ROR1: variants seen among roughly 807,000 people sequenced by gnomAD.
ROR1 encodes the protein ROR family WNT receptor 1.
A neutral mutation model predicts 78.8 loss-of-function variants in ROR1; 19 were observed. The ratio of observed to expected loss-of-function variants is 0.24; its 90% CI spans 0.17 to 0.35. The LOEUF is 0.35. Among genes scored for constraint, ROR1 ranks in the 10% least tolerant of loss-of-function variants. The pLI is 1.00. For synonymous variants in ROR1, 386 were observed against 433.6 expected, an observed-to-expected ratio of 0.89 and a Z score of 1.36; for missense variants, 917 against 1,177.8, an observed-to-expected ratio of 0.78 and a Z score of 3.24.
intron 1 of ROR1, among the ~76,000 whole-genome samples, chr1:63,946,371 A>T (rs1273983752): frequency 6.6e-6 from 1 of 152,186 alleles, no homozygotes; most frequent in East Asian, 1.9e-4. Context: ...ATGTCTGTTT[A>T]ACCAGTTTTG....
intron 2 of ROR1, 97 bp downstream of exon 2, chr1:64,009,473 C>A: frequency 2.1e-6 from 2 of 950,600 alleles, no homozygotes; most frequent in Non-Finnish European, 3.4e-6. Context: ...TTTTTCAGAT[C>A]ACTGCAAGGA....
rs184316307 is a variant in ROR1 at position 63,779,389 on chromosome 1, C to T, written c.91+4881C>T. Among the ~76,000 whole-genome samples, 355 of 152,222 alleles carry T rather than the reference C, an allele frequency of 2.3e-3. 1 individual carries two copies. The highest frequency in any genetic ancestry group is 8.0e-3 in the African/African-American group (331 of 41,532). On this transcript the variant is annotated intron_variant, in intron 1 of 8. Transcript: ENST00000371079. The stretch of plus-strand genomic sequence containing the variant: ...TCCAGCTCCAGCTGAGAAACACTCA[C>T]GTCTTCAAGGCCTCTTTCTCAAACA...
chr1:63,797,006 A>G (rs1195846956), intron 1 of ROR1, among the ~76,000 whole-genome samples: 1 of 152,198 alleles, frequency 6.6e-6, no homozygotes. Context: ...TTGATGTTCT[A>G]TATTTTTTCT....
intron 1 of ROR1, among the ~76,000 whole-genome samples, chr1:63,883,767 T>G (rs536321091): frequency 2.0e-5 from 3 of 152,174 alleles, no homozygotes; most frequent in Non-Finnish European, 4.4e-5. Context: ...CATGCCAGCT[T>G]CATCTTGGTG....
intron 1 of ROR1, among the ~76,000 whole-genome samples, chr1:63,781,620 T>C (rs1644651989): frequency 6.6e-6 from 1 of 152,142 alleles, no homozygotes; most frequent in South Asian, 2.1e-4. Flanking sequence ...CTCAGGGGAT[T>C]AGAGGGTCAG....
intron 2 of ROR1, among the ~76,000 whole-genome samples, chr1:64,017,047 G>A (rs914431912): frequency 3.0e-4 from 46 of 151,722 alleles, no homozygotes; most frequent in African/African-American, 8.5e-4. Flanking sequence ...CCTCCAAGTC[G>A]CTGGGACCAC....
chr1:64,031,976 A>G (rs1251437245), intron 2 of ROR1, among the ~76,000 whole-genome samples: 1 of 151,998 alleles, frequency 6.6e-6, no homozygotes, highest in Non-Finnish European at 1.5e-5. Context: ...ATCCAAAACC[A>G]GTTCAATATT....
At chr1:63,806,672 C>G (rs549699088) in intron 1 of ROR1, among the ~76,000 whole-genome samples, 2 of 152,192 alleles carry the variant, frequency 1.3e-5, no homozygotes, top group South Asian at 4.2e-4. Flanking sequence ...TTTGTTTTGG[C>G]CTCAAGGAAA....
intron 4 of ROR1, among the ~76,000 whole-genome samples, chr1:64,097,021 G>A (rs769065575): frequency 1.4e-4 from 21 of 151,872 alleles, no homozygotes; most frequent in Non-Finnish European, 2.2e-4. Flanking sequence ...TCTTATGGGT[G>A]GTATGTTAGT....
intron 2 of ROR1, among the ~76,000 whole-genome samples, chr1:64,046,237 G>A (rs990454311): frequency 2.6e-5 from 4 of 152,200 alleles, no homozygotes; most frequent in African/African-American, 9.6e-5. Context: ...ACTGCTACTT[G>A]AGTCTAGTGT....
rs1553133293 is a variant in ROR1, at chr1:63,806,316, A to AATTTT, written c.91+31808_91+31809insATTTT. 3.4e-5 allele frequency among the ~76,000 whole-genome samples: 3 copies of AATTTT among 87,264 alleles called. 1 individual carries two copies. Among genetic ancestry groups the AATTTT allele is most frequent in the Non-Finnish European group, 7.4e-5 (3 of 40,688 alleles). The allele number at this position is 87,264 out of a possible 152,430, so 57.2% of individuals were successfully genotyped here. A position where few individuals can be genotyped will look rare whatever the true frequency, so the allele number is the denominator to read the frequency against. On this transcript the variant is annotated intron_variant, in intron 1 of 8. Transcript: ENST00000371079. ...TTAGCTTGTTTGTGACTGTCAGACTATTTTTTTTTTTTTTTTTTTGAGATG... is the reference window on the plus strand; with the variant it reads ...TTAGCTTGTTTGTGACTGTCAGACTAATTTTTTTTTTTTTTTTTTTTTTTGAGATG...
At chr1:63,832,400 G>C (rs921967465) in intron 1 of ROR1, among the ~76,000 whole-genome samples, 1 of 152,198 alleles carries the variant, frequency 6.6e-6, no homozygotes, top group African/African-American at 2.4e-5. Flanking sequence ...TTGACTCACA[G>C]TTCTGCATGG....
intron 4 of ROR1, among the ~76,000 whole-genome samples, chr1:64,092,559 G>T (rs1053161424): frequency 3.3e-5 from 5 of 152,152 alleles, no homozygotes; most frequent in Non-Finnish European, 7.4e-5. Context: ...TGGTTGCATA[G>T]ATCAGGCAGG....
chr1:63,815,229 G>C (rs1644883538), intron 1 of ROR1, among the ~76,000 whole-genome samples: 1 of 152,170 alleles, frequency 6.6e-6, no homozygotes, highest in South Asian at 2.1e-4. Flanking sequence ...ATGTTGGTGA[G>C]AGTCTCCGAG....
At chr1:63,998,288 T>TTG (rs72169990) in intron 1 of ROR1, among the ~76,000 whole-genome samples, 1 of 123,880 alleles carries the variant, frequency 8.1e-6, no homozygotes, top group African/African-American at 3.7e-5. Flanking sequence ...TAATTTAAGG[T>TTG]TTTTTTTTTT....
At chr1:64,071,947 G>C (rs1190062426) in intron 4 of ROR1, among the ~76,000 whole-genome samples, 2 of 152,052 alleles carry the variant, frequency 1.3e-5, no homozygotes, top group Non-Finnish European at 2.9e-5. Flanking sequence ...CCCTTCCTCT[G>C]CTCTCCCGCC....
intron 1 of ROR1, among the ~76,000 whole-genome samples, chr1:63,887,742 C>T (rs1260118006): frequency 6.6e-6 from 1 of 152,212 alleles, no homozygotes; most frequent in Non-Finnish European, 1.5e-5. Flanking sequence ...AAGCAGCTTT[C>T]TCCCATACCT....
chr1:64,149,619 C>T (rs1166457262), intron 7 of ROR1, among the ~76,000 whole-genome samples: 1 of 152,206 alleles, frequency 6.6e-6, no homozygotes, highest in Non-Finnish European at 1.5e-5. Context: ...AGTCCCATCT[C>T]CTCTCTTTCT....
At chr1:63,950,806 T>C (rs1179561009) in intron 1 of ROR1, among the ~76,000 whole-genome samples, 2 of 152,148 alleles carry the variant, frequency 1.3e-5, no homozygotes, top group East Asian at 3.9e-4. Context: ...TTAAGGGGAA[T>C]ACATGAGAGA....
Sources: allele counts gnomAD v4.1 joint callset (sites outside exome capture counted in the v4.1 genomes callset), GRCh38; gene constraint gnomAD v4.1.1; transcripts MANE v1.5; gene names NCBI Gene and HGNC (gene_info 2026-07-23, HGNC 2026-07-21).